Variants in AOPEP observed in about 807,000 individuals in gnomAD.
The protein encoded by AOPEP is aminopeptidase O (putative), also known as aminopeptidase O.
A neutral mutation model predicts 98.1 loss-of-function variants in AOPEP; 77 were observed. The ratio of observed to expected loss-of-function variants is 0.78; its 90% CI spans 0.65 to 0.95. The LOEUF is 0.95. Among genes scored for constraint, AOPEP ranks in the 40% least tolerant of loss-of-function variants. The pLI is 0.00. For synonymous variants in AOPEP, 346 were observed against 365.3 expected, an observed-to-expected ratio of 0.95 and a Z score of 0.60; for missense variants, 1,024 against 1,024.7, an observed-to-expected ratio of 1.00 and a Z score of 0.01.
At chr9:94,780,931 A>G (rs1363659111) in intron 3 of AOPEP, among the ~76,000 whole-genome samples, 1 of 152,228 alleles carries the variant, frequency 6.6e-6, no homozygotes, top group Non-Finnish European at 1.5e-5. Flanking sequence ...CAGAAATGAC[A>G]GCAGCCCTTG....
At chr9:95,131,787 G>C in the AOPEP span, among the ~76,000 whole-genome samples, 2 of 152,244 alleles carry the variant, frequency 1.3e-5, no homozygotes, top group East Asian at 3.9e-4. Context: ...CCAGGATGTA[G>C]AGTGAACTCT....
chr9:95,102,367 C>G, the AOPEP span, among the ~76,000 whole-genome samples: 1 of 152,212 alleles, frequency 6.6e-6, no homozygotes, highest in Non-Finnish European at 1.5e-5. Context: ...ACACCTGATT[C>G]TTGCGGGAGA....
intron 1 of AOPEP, among the ~76,000 whole-genome samples, chr9:94,744,459 G>T (rs566689132): frequency 2.8e-4 from 42 of 152,114 alleles, no homozygotes; most frequent in African/African-American, 9.9e-4. Context: ...CTAGCACTTT[G>T]AGAGGCCAAG....
intron 5 of AOPEP, among the ~76,000 whole-genome samples, chr9:94,865,969 G>T (rs2045659910): frequency 6.6e-6 from 1 of 152,198 alleles, no homozygotes; most frequent in South Asian, 2.1e-4. Context: ...TTTTAACTCA[G>T]ATTTGCTACA....
chr9:94,955,852 T>C, intron 8 of AOPEP, 56 bp from the exon 9 acceptor site: 2 of 1,279,952 alleles, frequency 1.6e-6, no homozygotes, highest in Non-Finnish European at 1.1e-6. Flanking sequence ...TATATAACCA[T>C]TTTTTTATGA....
At chr9:94,906,456 A>AATAATAATAATAATAATC (rs1436009457) in intron 5 of AOPEP, among the ~76,000 whole-genome samples, 1 of 6,504 alleles carries the variant, frequency 1.5e-4, no homozygotes, top group Non-Finnish European at 3.4e-4. Flanking sequence ...CCCTGTCTGA[A>AATAATAATAATAATAATC]ATAATAATAA....
intron 7 of AOPEP, among the ~76,000 whole-genome samples, chr9:94,951,057 C>A (rs1366669365): frequency 6.6e-6 from 1 of 152,204 alleles, no homozygotes; most frequent in Admixed American, 6.5e-5. Context: ...AGGGAAAGGG[C>A]ACGTCAATCT....
chr9:94,979,954 C>T (rs1023566663), intron 11 of AOPEP, among the ~76,000 whole-genome samples: 3 of 152,196 alleles, frequency 2.0e-5, no homozygotes, highest in South Asian at 2.1e-4. Flanking sequence ...CTCAGGCCGG[C>T]CTTCTCACCT....
At chr9:94,741,340 T>A (rs1833033230) in intron 1 of AOPEP, among the ~76,000 whole-genome samples, 1 of 152,044 alleles carries the variant, frequency 6.6e-6, no homozygotes, top group Non-Finnish European at 1.5e-5. Context: ...TGGTGCGATC[T>A]CGGCTCACTG....
At chr9:95,028,550 G>T (rs1240825991) in intron 13 of AOPEP, among the ~76,000 whole-genome samples, 1 of 152,260 alleles carries the variant, frequency 6.6e-6, no homozygotes, top group Non-Finnish European at 1.5e-5. Context: ...TTCTGGGAAT[G>T]AGTCTGAAGG....
chr9:95,089,775 T>A (rs1442328909), downstream of AOPEP, among the ~76,000 whole-genome samples: 1 of 152,160 alleles, frequency 6.6e-6, no homozygotes, highest in Admixed American at 6.5e-5. Flanking sequence ...GCTCAGCAGC[T>A]CCCCGCGGCC....
At chr9:95,020,516 T>C (rs1356876134) in intron 13 of AOPEP, among the ~76,000 whole-genome samples, 1 of 152,086 alleles carries the variant, frequency 6.6e-6, no homozygotes, top group Non-Finnish European at 1.5e-5. Context: ...TGTCAAATTG[T>C]GCTTTTCATG....
chr9:94,773,557 A>G (rs1216750441), intron 3 of AOPEP, among the ~76,000 whole-genome samples: 1 of 152,148 alleles, frequency 6.6e-6, no homozygotes, highest in East Asian at 1.9e-4. Context: ...TTATGTTAAG[A>G]GATAGTGCTC....
the AOPEP span, among the ~76,000 whole-genome samples, chr9:95,138,091 A>G: frequency 6.6e-6 from 1 of 152,250 alleles, no homozygotes; most frequent in South Asian, 2.1e-4. Flanking sequence ...TTTCGCTTGC[A>G]CTTGAATCCT....
intron 5 of AOPEP, among the ~76,000 whole-genome samples, chr9:94,877,159 C>T (rs573129189): frequency 2.0e-5 from 3 of 152,118 alleles, no homozygotes; most frequent in South Asian, 2.1e-4. Flanking sequence ...TTTGAATGGC[C>T]GGAGTGAGCC....
chr9:95,135,370 T>C, the AOPEP span: 1 of 1,614,150 alleles, frequency 6.2e-7, no homozygotes, highest in African/African-American at 1.3e-5. Context: ...TTATAAAGCA[T>C]TCGATCCTTC....
the AOPEP span, chr9:95,100,792 C>G: frequency 4.4e-6 from 1 of 225,260 alleles, no homozygotes; most frequent in Admixed American, 5.7e-5. Context: ...CATTGCACCC[C>G]GATAATTTTT....
chr9:95,078,221 C>G (rs757043429), intron 14 of AOPEP, among the ~76,000 whole-genome samples: 5 of 152,158 alleles, frequency 3.3e-5, no homozygotes, highest in Non-Finnish European at 7.4e-5. Context: ...TTCCACCCGC[C>G]ATCTGGACCT....
At chr9:94,771,184 AAGCCAG>A in intron 2 of AOPEP, among the ~76,000 whole-genome samples, 1 of 152,330 alleles carries the variant, frequency 6.6e-6, no homozygotes, top group East Asian at 1.9e-4. Flanking sequence ...ACATCTTGGT[AAGCCAG>A]TCTTTTGGGG....
Sources: gnomAD v4.1 joint callset for allele counts (sites outside exome capture counted in the v4.1 genomes callset) on GRCh38, gnomAD v4.1.1 for gene constraint, MANE v1.5 for transcripts, NCBI Gene and HGNC (gene_info 2026-07-23, HGNC 2026-07-21) for gene names.